YIPF4: variants seen among roughly 807,000 people sequenced by gnomAD.
YIPF4 encodes the protein protein YIPF4.
Under a neutral mutation model 29.4 loss-of-function variants are expected in YIPF4, and 18 were observed. That is an observed-to-expected ratio of 0.61 (90% CI 0.42 to 0.91). YIPF4 has a LOEUF of 0.91. Ranked by LOEUF, YIPF4 falls within the 40% of genes least tolerant of loss-of-function variation. The pLI is 0.00. For synonymous variants in YIPF4, 115 were observed against 104.7 expected, an observed-to-expected ratio of 1.10 and a Z score of -0.60; for missense variants, 279 against 282.7, an observed-to-expected ratio of 0.99 and a Z score of 0.09.
intron 1 of YIPF4, among the ~76,000 whole-genome samples, chr2:32,279,534 A>G (rs1039923674): frequency 1.2e-4 from 17 of 146,598 alleles, no homozygotes; most frequent in African/African-American, 3.5e-4. Context: ...TGTAGCTGGG[A>G]CTACAGGCGC....
In YIPF4 at chr2:32,307,071, G is replaced by T; in HGVS notation, c.*1445G>T. On this transcript the variant is annotated 3_prime_UTR_variant, in exon 6 of 6. Coordinates refer to ENST00000238831, the MANE Select transcript of YIPF4 (RefSeq NM_032312.4). ...AGCACTTTTGAGCTAGAATAATGTA[G>T]AAAATTACATGTACTGATTTTTTTA... 7.9e-7 allele frequency: 1 copy of T among 1,267,854 alleles called. No homozygotes were observed. Among genetic ancestry groups the T allele is most frequent in the Non-Finnish European group, 1.0e-6 (1 of 973,346 alleles). The allele number at this position is 1,267,854 out of a possible 1,614,324, so 78.5% of individuals were successfully genotyped here.
At chr2:32,299,299 CAA>C (rs1026457871) in intron 4 of YIPF4, among the ~76,000 whole-genome samples, 1 of 152,088 alleles carries the variant, frequency 6.6e-6, no homozygotes, top group Non-Finnish European at 1.5e-5. Flanking sequence ...TTTTCCAAAA[CAA>C]AAGAGTTAGA....
At position 32,301,440 on chromosome 2, in the gene YIPF4, T is replaced by C. The variant is rs1273777792; in HGVS notation, c.542T>C (p.Ile181Thr). Residue 181 changes from isoleucine to threonine, a missense_variant, in exon 5 of 6, where the codon ATA becomes ACA. Physicochemically the swap from Ile to Thr is moderately conservative, Grantham distance 89. Transcript: ENST00000238831. ...IGYSLLPLIV[I>T]APVLLVVGSF... Reference sequence around the variant, plus strand: ...TATTCATTACTTCCTCTCATTGTAATAGCCCCTGTACTTTTGGTGGTTGGA... The same window carrying C: ...TATTCATTACTTCCTCTCATTGTAACAGCCCCTGTACTTTTGGTGGTTGGA... The C allele has an allele frequency of 3.1e-6, 5 of 1,613,890 alleles. No individual in the cohort carries two copies. Among genetic ancestry groups the C allele is most frequent in the Admixed American group, 1.7e-5 (1 of 60,022 alleles).
intron 1 of YIPF4, 135 bp downstream of exon 1, chr2:32,278,369 G>T (rs2030209443): frequency 2.5e-6 from 2 of 808,600 alleles, no homozygotes; most frequent in East Asian, 3.2e-5. Context: ...AGCCCACCAC[G>T]CCTGCCGGGC....
rs1239641413 is a variant in YIPF4 at position 32,312,103 on chromosome 2, TACTC to T, written c.*6480_*6483del. 6.6e-6 allele frequency: 1 copy of T among 152,174 alleles called. No individual in the cohort carries two copies. The highest frequency in any genetic ancestry group is 1.5e-5 in the Non-Finnish European group (1 of 68,030). The allele number at this position is 152,174 out of a possible 1,614,324, so 9.4% of individuals were successfully genotyped here. ...GTCTCTTCATGGAAAACAGTAAAAA[TACTC>T]ACGTTTATGATGATGGGCCTAGGTA... On this transcript the variant is annotated 3_prime_UTR_variant, in exon 6 of 6. Coordinates refer to ENST00000238831, the MANE Select transcript of YIPF4 (RefSeq NM_032312.4).
chr2:32,293,082 T>G (rs888037089), intron 3 of YIPF4, among the ~76,000 whole-genome samples: 9 of 151,526 alleles, frequency 5.9e-5, no homozygotes, highest in South Asian at 2.1e-4. Flanking sequence ...ATTTATTTAT[T>G]TATTTATTTT....
Position 32,301,408 on chromosome 2 carries a change from T to C in YIPF4, c.510T>C (p.Val170=). The C allele has an allele frequency of 6.2e-7, 1 of 1,613,092 alleles. No homozygotes were observed. The highest frequency in any genetic ancestry group is 8.5e-7 in the Non-Finnish European group (1 of 1,179,568). The stretch of plus-strand genomic sequence containing the variant: ...TTGCATATGGCCAAGTCCTTGGAGT[T>C]ATAGGATATTCATTACTTCCTCTCA... ...GEVAYGQVLG[V]IGYSLLPLIV... is the part of the protein sequence containing the mutation. The change falls in exon 5 of 6, where the codon GTT becomes GTC. Residue 170 remains valine (V), a synonymous_variant. Coordinates refer to ENST00000238831, the MANE Select transcript of YIPF4 (RefSeq NM_032312.4).
At chr2:32,293,464 A>G (rs1217935984) in intron 3 of YIPF4, among the ~76,000 whole-genome samples, 1 of 152,240 alleles carries the variant, frequency 6.6e-6, no homozygotes, top group African/African-American at 2.4e-5. Flanking sequence ...GTACAGAACA[A>G]AATGAAGTGT....
At position 32,308,284 on chromosome 2, in the gene YIPF4, T is replaced by C. The variant is rs2031638458; in HGVS notation, c.*2658T>C. 1 of 152,052 alleles carries C rather than the reference T, an allele frequency of 6.6e-6. No homozygotes were observed. 9.4% of individuals were successfully genotyped at this position (152,052 alleles called of 1,614,324 possible). ...ACCACCATGCCTGGCTAATTTTTTG[T>C]ATTTTTAGTAGAGATGGGGTTTCAC... is the stretch of plus-strand genomic sequence containing the variant. On this transcript the variant is annotated 3_prime_UTR_variant, in exon 6 of 6. Transcript: ENST00000238831.
rs959663623 is a variant in YIPF4 at position 32,312,458 on chromosome 2, A to G, written c.*6832A>G. On this transcript the variant is annotated 3_prime_UTR_variant, in exon 6 of 6. Transcript: ENST00000238831. ...AGCCGAGATCGCGCCACTGCACTCCAGCCTGGGCGACAGAGCGAGAATCCG... is the reference window on the plus strand; with the variant it reads ...AGCCGAGATCGCGCCACTGCACTCCGGCCTGGGCGACAGAGCGAGAATCCG... 8.6e-6 allele frequency: 1 copy of G among 116,506 alleles called. No homozygotes were observed. The allele number at this position is 116,506 out of a possible 1,614,324, so 7.2% of individuals were successfully genotyped here.
At chr2:32,292,037 T>G in intron 2 of YIPF4, 140 bp from the exon 3 acceptor site, 1 of 486,642 alleles carries the variant, frequency 2.1e-6, no homozygotes, top group African/African-American at 2.0e-5. Flanking sequence ...ATTAGTGAAA[T>G]GTGGCACTTC....
chr2:32,307,268 C>G lies in YIPF4; in HGVS notation c.*1642C>G. The G allele has an allele frequency of 1.7e-6, 1 of 598,172 alleles. No individual in the cohort carries two copies. The highest frequency in any genetic ancestry group is 2.3e-6 in the Non-Finnish European group (1 of 432,426). The allele number at this position is 598,172 out of a possible 1,614,324, so 37.1% of individuals were successfully genotyped here. On this transcript the variant is annotated 3_prime_UTR_variant, in exon 6 of 6. Coordinates refer to ENST00000238831, the MANE Select transcript of YIPF4 (RefSeq NM_032312.4). The stretch of plus-strand genomic sequence containing the variant: ...ATAATGGATTATAATATTTGACATT[C>G]ATAGTGTTGACCCTGGAATCTTTCA...
Position 32,314,730 on chromosome 2 carries a change from A to T in YIPF4, c.*9104A>T, listed in dbSNP as rs2031788123. The T allele has an allele frequency of 6.6e-6, 1 of 152,184 alleles. No homozygotes were observed. Among genetic ancestry groups the T allele is most frequent in the South Asian group, 2.1e-4 (1 of 4,830 alleles). 9.4% of individuals were successfully genotyped at this position (152,184 alleles called of 1,614,324 possible). Reference sequence around the variant, plus strand: ...CTGTTGTGAGGGTTAAATGAACTAGATAATTAATGTAATAAACAGAATAGT... The same window carrying T: ...CTGTTGTGAGGGTTAAATGAACTAGTTAATTAATGTAATAAACAGAATAGT... On this transcript the variant is annotated 3_prime_UTR_variant, in exon 6 of 6. Transcript: ENST00000238831.
chr2:32,305,909 T>A lies in YIPF4; in HGVS notation c.*283T>A. ...TTTTAAGATTGTGTCGATATTCACC[T>A]AAAAACTTGTGCCAAAAGCACCTGG... On this transcript the variant is annotated 3_prime_UTR_variant, in exon 6 of 6. Transcript: ENST00000238831. 9.6e-7 allele frequency: 1 copy of A among 1,037,452 alleles called. No homozygotes were observed. Among genetic ancestry groups the A allele is most frequent in the African/African-American group, 1.7e-5 (1 of 59,480 alleles). 64.3% of individuals were successfully genotyped at this position (1,037,452 alleles called of 1,614,324 possible). A position where few individuals can be genotyped will look rare whatever the true frequency, so the allele number is the denominator to read the frequency against.
At chr2:32,285,000 TC>T (rs1336275465) in intron 1 of YIPF4, among the ~76,000 whole-genome samples, 1 of 152,060 alleles carries the variant, frequency 6.6e-6, no homozygotes, top group East Asian at 1.9e-4. Flanking sequence ...AGAAAGAGTC[TC>T]CGGGGTACAG....
rs2031669171 is a variant in YIPF4 at position 32,309,429 on chromosome 2, C to A, written c.*3803C>A. On this transcript the variant is annotated 3_prime_UTR_variant, in exon 6 of 6. Transcript: ENST00000238831. ...GCATTTTGGAAAGGGTATACTCAAT[C>A]TGTATTAACATAGACTTCTAAATTA... 6.6e-6 allele frequency: 1 copy of A among 152,082 alleles called. No individual in the cohort carries two copies. Among genetic ancestry groups the A allele is most frequent in the Admixed American group, 6.6e-5 (1 of 15,256 alleles). 9.4% of individuals were successfully genotyped at this position (152,082 alleles called of 1,614,324 possible). A position where few individuals can be genotyped will look rare whatever the true frequency, so the allele number is the denominator to read the frequency against.
At chr2:32,286,356 C>T (rs2030669211) in intron 1 of YIPF4, among the ~76,000 whole-genome samples, 1 of 151,874 alleles carries the variant, frequency 6.6e-6, no homozygotes, top group Non-Finnish European at 1.5e-5. Context: ...TATAATTTTT[C>T]AAAATAAAAA....
intron 2 of YIPF4, among the ~76,000 whole-genome samples, 163 bp from the exon 3 acceptor site, chr2:32,292,014 T>G (rs1238392359): frequency 6.6e-6 from 1 of 152,212 alleles, no homozygotes; most frequent in Non-Finnish European, 1.5e-5. Flanking sequence ...ATGTTAAAAA[T>G]GTACAGCTTG....
chr2:32,293,563 A>C, intron 3 of YIPF4, among the ~76,000 whole-genome samples: 1 of 152,222 alleles, frequency 6.6e-6, no homozygotes, highest in Non-Finnish European at 1.5e-5. Flanking sequence ...TGTTCCACAA[A>C]ACCGCCATTG....
Sources: allele counts gnomAD v4.1 joint callset (sites outside exome capture counted in the v4.1 genomes callset), GRCh38; gene constraint gnomAD v4.1.1; transcripts MANE v1.5; gene names NCBI Gene and HGNC (gene_info 2026-07-23, HGNC 2026-07-21).